TRPC5: variants seen among roughly 807,000 people sequenced by gnomAD.
TRPC5 encodes short transient receptor potential channel 5.
TRPC5 carries 9 observed loss-of-function variants against 56.5 expected under a neutral mutation model. The observed-to-expected ratio is 0.16, with a 90% confidence interval of 0.10 to 0.28. TRPC5 has a LOEUF of 0.28. Ranked by LOEUF, TRPC5 falls within the 10% of genes least tolerant of loss-of-function variation. TRPC5 has a pLI of 1.00. For synonymous variants in TRPC5, 282 were observed against 278.5 expected (o/e 1.01, Z -0.13); for missense variants, 469 against 748.9 (o/e 0.63, Z 4.36).
chrX:111,825,925 C>G (rs1922221165), intron 7 of TRPC5, among the ~76,000 whole-genome samples: 1 of 112,087 alleles, frequency 8.9e-6, no homozygotes, highest in Non-Finnish European at 1.9e-5. Context: ...CTCCTACCAT[C>G]TGATTGGTTG....
chrX:112,081,189 G>A (rs1210904556), intron 1 of TRPC5, among the ~76,000 whole-genome samples: 1 of 112,032 alleles, frequency 8.9e-6, no homozygotes, highest in African/African-American at 3.2e-5. Flanking sequence ...ATCAGCATCT[G>A]TGAATTCAGC....
At chrX:111,947,396 G>T (rs1489123872) in intron 2 of TRPC5, among the ~76,000 whole-genome samples, 1 of 111,361 alleles carries the variant, frequency 9.0e-6, no homozygotes, top group African/African-American at 3.3e-5. Context: ...GAGTATAGTG[G>T]TGCGATCTTG....
intron 1 of TRPC5, among the ~76,000 whole-genome samples, chrX:112,017,092 C>A (rs1166778093): frequency 8.9e-6 from 1 of 111,794 alleles, no homozygotes; most frequent in Admixed American, 9.5e-5. Flanking sequence ...CGGCTCACTG[C>A]AACCTCTGCC....
chrX:111,822,829 C>G (rs1012987224), intron 7 of TRPC5, among the ~76,000 whole-genome samples: 2 of 111,538 alleles, frequency 1.8e-5, no homozygotes, highest in East Asian at 2.8e-4. Flanking sequence ...GGCACTGGAA[C>G]CTTTCTGTCA....
chrX:111,895,759 G>A (rs1925033502), intron 3 of TRPC5, among the ~76,000 whole-genome samples: 1 of 111,211 alleles, frequency 9.0e-6, no homozygotes, highest in Non-Finnish European at 1.9e-5. Context: ...AATTTCTCTA[G>A]CTCTGTAACT....
At chrX:112,035,016 C>T (rs1929692010) in intron 1 of TRPC5, among the ~76,000 whole-genome samples, 1 of 102,320 alleles carries the variant, frequency 9.8e-6, no homozygotes. Context: ...TTTGGGTTTG[C>T]TTTATTCTTC....
At chrX:111,951,632 T>A (rs5942761) in intron 2 of TRPC5, among the ~76,000 whole-genome samples, 4,258 of 111,769 alleles carry the variant, frequency 0.038, 74 homozygotes, top group Non-Finnish European at 0.055. Flanking sequence ...CCTCCTGTGT[T>A]GTCTTCAGAG....
rs150395156 is a variant in TRPC5, at chrX:111,995,324, T to C, written c.-21-42883A>G. Among the ~76,000 whole-genome samples the C allele has an allele frequency of 9.2e-3, 1,027 of 111,647 alleles. 7 individuals carry two copies. Among genetic ancestry groups the C allele is most frequent in the Middle Eastern group, 0.018 (4 of 219 alleles). ...ATCCTAGGGATGAAGCCAACTTGATTTTGGTAGATAAGCTTTTTGATATGC... is the reference window on the plus strand; with the variant it reads ...ATCCTAGGGATGAAGCCAACTTGATCTTGGTAGATAAGCTTTTTGATATGC... On this transcript the variant is annotated intron_variant, in intron 1 of 10. Transcript: ENST00000262839.
chrX:112,048,117 T>G (rs904858081), intron 1 of TRPC5, among the ~76,000 whole-genome samples: 1 of 111,972 alleles, frequency 8.9e-6, no homozygotes, highest in Non-Finnish European at 1.9e-5. Flanking sequence ...TGCTCAGCAA[T>G]AGGTGTTTGG....
chrX:111,784,867 G>A (rs1023382629), intron 7 of TRPC5, among the ~76,000 whole-genome samples: 8 of 112,564 alleles, frequency 7.1e-5, no homozygotes, highest in Non-Finnish European at 1.1e-4. Context: ...CTGGCTGGGG[G>A]AGGGGGGTCC....
chrX:111,978,278 G>C (rs778889277), intron 1 of TRPC5, among the ~76,000 whole-genome samples: 4 of 111,650 alleles, frequency 3.6e-5, no homozygotes, highest in Admixed American at 1.9e-4. Context: ...CTTGCCACTT[G>C]TGACAACATG....
chrX:111,870,562 G>T (rs1923718402), intron 3 of TRPC5, among the ~76,000 whole-genome samples: 1 of 111,602 alleles, frequency 9.0e-6, no homozygotes, highest in Admixed American at 9.6e-5. Context: ...TGAAACCTGG[G>T]CATGCTTAGA....
At chrX:112,029,143 G>T (rs1040818722) in intron 1 of TRPC5, among the ~76,000 whole-genome samples, 6 of 92,355 alleles carry the variant, frequency 6.5e-5, no homozygotes, top group African/African-American at 2.0e-4. Context: ...CCAACCCCCC[G>T]TTACCCTTCC....
intron 3 of TRPC5, among the ~76,000 whole-genome samples, chrX:111,909,283 T>C (rs1042317738): frequency 9.3e-6 from 1 of 107,822 alleles, no homozygotes; most frequent in African/African-American, 3.4e-5. Flanking sequence ...TAAGCTGAGA[T>C]TGTGCCACGG....
intron 1 of TRPC5, among the ~76,000 whole-genome samples, chrX:112,006,719 G>T (rs1456078514): frequency 8.9e-6 from 1 of 111,991 alleles, no homozygotes; most frequent in Non-Finnish European, 1.9e-5. Context: ...AGACCAGGCT[G>T]CGAGGTTTGG....
Position 111,952,082 on chromosome X carries a change from C to A in TRPC5, c.339G>T (p.Glu113Asp). The change falls in exon 2 of 11, where the codon GAG becomes GAT. Residue 113 changes from glutamate (E) to aspartate (D), a missense_variant. Glu to Asp is a conservative substitution (Grantham distance 45). Transcript: ENST00000262839. ...AIRKEVVGAVELLLSYRRPSG... is the reference protein window; with the variant it reads ...AIRKEVVGAVDLLLSYRRPSG... Reference sequence around the variant, plus strand: ...TGGGCCGCCTGTAGCTGAGCAGAAGCTCCACAGCGCCCACCACTTCCTTGC... The same window carrying A: ...TGGGCCGCCTGTAGCTGAGCAGAAGATCCACAGCGCCCACCACTTCCTTGC... The A allele has an allele frequency of 8.3e-7, 1 of 1,211,133 alleles. No individual in the cohort carries two copies.
At chrX:111,882,928 A>C (rs1376261376) in intron 3 of TRPC5, among the ~76,000 whole-genome samples, 3 of 111,219 alleles carry the variant, frequency 2.7e-5, no homozygotes, top group Non-Finnish European at 5.7e-5. Context: ...TCTACCAAAA[A>C]TAAAAAAATT....
chrX:111,846,074 G>T (rs3027732), intron 6 of TRPC5, among the ~76,000 whole-genome samples: 1 of 110,900 alleles, frequency 9.0e-6, no homozygotes, highest in Non-Finnish European at 1.9e-5. Flanking sequence ...GTTTTGTTTT[G>T]TTTTTTTCTC....
At chrX:111,950,592 C>A (rs756991587) in intron 2 of TRPC5, among the ~76,000 whole-genome samples, 2 of 111,440 alleles carry the variant, frequency 1.8e-5, no homozygotes, top group African/African-American at 6.5e-5. Context: ...GCACCAAAAT[C>A]TCACAGATCA....
Sources: allele counts gnomAD v4.1 joint callset (sites outside exome capture counted in the v4.1 genomes callset), GRCh38; gene constraint gnomAD v4.1.1; transcripts MANE v1.5; gene names NCBI Gene and HGNC (gene_info 2026-07-23, HGNC 2026-07-21).